Variants in LYPLAL1 observed in about 807,000 individuals in gnomAD.
The protein encoded by LYPLAL1 is lysophospholipase-like protein 1.
In LYPLAL1, 23 loss-of-function variants were observed where a neutral mutation model predicts 19.7. The ratio of observed to expected loss-of-function variants is 1.17; its 90% CI spans 0.84 to 1.65. LYPLAL1 has a LOEUF of 1.65. Among genes scored for constraint, LYPLAL1 ranks in the 40% most tolerant of loss-of-function variants. The pLI is 0.00. For synonymous variants in LYPLAL1, 119 were observed against 96.3 expected (o/e 1.24, Z -1.38); for missense variants, 355 against 279.4 (o/e 1.27, Z -1.93).
the LYPLAL1 span, among the ~76,000 whole-genome samples, chr1:219,324,171 T>A: frequency 6.6e-6 from 1 of 152,196 alleles, no homozygotes; most frequent in Non-Finnish European, 1.5e-5. Context: ...TAGGAAAGAA[T>A]TATCCTGAAA....
the LYPLAL1 span, among the ~76,000 whole-genome samples, chr1:219,323,030 T>C: frequency 2.2e-4 from 34 of 152,210 alleles, no homozygotes; most frequent in African/African-American, 7.5e-4. Flanking sequence ...CCAGTCCTTG[T>C]TTTGTTCATT....
the LYPLAL1 span, among the ~76,000 whole-genome samples, chr1:219,399,272 AC>A: frequency 2.6e-5 from 4 of 152,186 alleles, no homozygotes; most frequent in African/African-American, 9.6e-5. Flanking sequence ...TTCTCAGTGT[AC>A]TACAGACAGG....
chr1:219,305,243 G>A, the LYPLAL1 span, among the ~76,000 whole-genome samples: 5 of 152,124 alleles, frequency 3.3e-5, no homozygotes, highest in African/African-American at 1.2e-4. Flanking sequence ...AATGCCAGGT[G>A]ATGAGATATG....
the LYPLAL1 span, among the ~76,000 whole-genome samples, chr1:219,414,556 A>G: frequency 6.6e-6 from 1 of 152,190 alleles, no homozygotes; most frequent in African/African-American, 2.4e-5. Context: ...TAAGTCAGCT[A>G]TTTTCACTTC....
the LYPLAL1 span, among the ~76,000 whole-genome samples, chr1:219,231,350 G>A: frequency 1.3e-5 from 2 of 152,250 alleles, no homozygotes; most frequent in East Asian, 3.9e-4. Flanking sequence ...AACAATGCAA[G>A]AACATGAAGA....
chr1:219,283,121 T>C, the LYPLAL1 span, among the ~76,000 whole-genome samples: 1 of 152,190 alleles, frequency 6.6e-6, no homozygotes, highest in Admixed American at 6.5e-5. Flanking sequence ...TGGAGTGATT[T>C]CTCCAGGGCC....
At chr1:219,373,776 G>C in the LYPLAL1 span, among the ~76,000 whole-genome samples, 22 of 149,518 alleles carry the variant, frequency 1.5e-4, no homozygotes. Context: ...CATTTGTGTG[G>C]AATTCAGGCA....
rs906245498 is a variant in LYPLAL1, at chr1:219,173,885, T to A, written c.-6T>A. On this transcript the variant is annotated 5_prime_UTR_variant, in exon 1 of 5. Coordinates refer to ENST00000366928, the MANE Select transcript of LYPLAL1 (RefSeq NM_138794.5). ...CGGAACCGCATGACTGGCAGTGGCA[T>A]CAGCGATGGCGGCTGCGTCGGGGTC... is the stretch of plus-strand genomic sequence containing the variant. 2.5e-6 allele frequency: 4 copies of A among 1,611,930 alleles called. 1 individual carries two copies. The South Asian group carries it at 3.3e-5, about 13-fold the overall frequency.
chr1:219,358,584 A>T, the LYPLAL1 span, among the ~76,000 whole-genome samples: 55 of 152,142 alleles, frequency 3.6e-4, no homozygotes, highest in Non-Finnish European at 6.5e-4. Flanking sequence ...CACATCTTAC[A>T]GGGTGGCAGG....
chr1:219,233,145 AC>A, the LYPLAL1 span, among the ~76,000 whole-genome samples: 3 of 152,372 alleles, frequency 2.0e-5, no homozygotes, highest in African/African-American at 7.2e-5. Flanking sequence ...ATGGATAAAC[AC>A]AATGTGGCAC....
chr1:219,439,996 C>CATATATATATATATATATACACATAT, the LYPLAL1 span, among the ~76,000 whole-genome samples: 2 of 47,158 alleles, frequency 4.2e-5, no homozygotes, highest in African/African-American at 1.5e-4. Flanking sequence ...TATATACACA[C>CATATATATATATATATATACACATAT]ATATATATAT....
the LYPLAL1 span, among the ~76,000 whole-genome samples, chr1:219,229,557 C>A: frequency 0.34 from 51,102 of 152,126 alleles, 9,030 homozygotes; most frequent in Non-Finnish European, 0.38. Context: ...ATACAGAAAT[C>A]TCTCTGTCCT....
At chr1:219,321,089 C>T in the LYPLAL1 span, among the ~76,000 whole-genome samples, 2 of 152,314 alleles carry the variant, frequency 1.3e-5, no homozygotes, top group South Asian at 4.1e-4. Context: ...TCTCCACATC[C>T]TCTCCAGCAC....
chr1:219,262,477 AG>A, the LYPLAL1 span, among the ~76,000 whole-genome samples: 38 of 152,106 alleles, frequency 2.5e-4, no homozygotes, highest in Non-Finnish European at 4.6e-4. Context: ...TCAGAGGAAA[AG>A]TCTGGAACTC....
intron 2 of LYPLAL1, among the ~76,000 whole-genome samples, chr1:219,183,063 T>C (rs1656428086): frequency 6.6e-6 from 1 of 152,128 alleles, no homozygotes; most frequent in African/African-American, 2.4e-5. Context: ...ACCAGCAGTA[T>C]TCAAGATTCC....
At chr1:219,318,652 T>A in the LYPLAL1 span, among the ~76,000 whole-genome samples, 1 of 152,218 alleles carries the variant, frequency 6.6e-6, no homozygotes, top group Non-Finnish European at 1.5e-5. Flanking sequence ...AGATTACTAG[T>A]CCTTGGAATT....
At chr1:219,317,557 T>G in the LYPLAL1 span, among the ~76,000 whole-genome samples, 3 of 151,816 alleles carry the variant, frequency 2.0e-5, no homozygotes, top group Non-Finnish European at 4.4e-5. Context: ...CTGAAGAAAA[T>G]GAGGTGATGA....
chr1:219,316,742 G>T, the LYPLAL1 span, among the ~76,000 whole-genome samples: 1 of 152,196 alleles, frequency 6.6e-6, no homozygotes, highest in Non-Finnish European at 1.5e-5. Context: ...GATATAGGCT[G>T]CAATGTGGAT....
the LYPLAL1 span, among the ~76,000 whole-genome samples, chr1:219,387,949 G>A: frequency 2.0e-5 from 3 of 152,132 alleles, no homozygotes; most frequent in African/African-American, 4.8e-5. Flanking sequence ...TGCTATTTCT[G>A]TACTTTTCTC....
Sources: gnomAD v4.1 joint callset for allele counts (sites outside exome capture counted in the v4.1 genomes callset) on GRCh38, gnomAD v4.1.1 for gene constraint, MANE v1.5 for transcripts, NCBI Gene and HGNC (gene_info 2026-07-23, HGNC 2026-07-21) for gene names.